KCNJ6: variants seen among roughly 807,000 people sequenced by gnomAD.
KCNJ6 encodes G protein-activated inward rectifier potassium channel 2.
In KCNJ6, 9 loss-of-function variants were observed where a neutral mutation model predicts 34.2. The ratio of observed to expected loss-of-function variants is 0.26; its 90% CI spans 0.16 to 0.46. The LOEUF (loss-of-function observed/expected upper bound fraction) is 0.46, where lower values mean the gene tolerates loss of function less well. KCNJ6 is among the 20% of genes least tolerant of loss of function. KCNJ6 has a pLI of 1.00. For missense variants in KCNJ6, 236 were observed against 531.3 expected (o/e 0.44, Z 5.46); for synonymous variants, 196 against 207.1 (o/e 0.95, Z 0.46).
chr21:37,858,227 T>C (rs989376264), intron 1 of KCNJ6, among the ~76,000 whole-genome samples: 5 of 151,332 alleles, frequency 3.3e-5, no homozygotes, highest in Non-Finnish European at 7.4e-5. Flanking sequence ...CCATCTCTAC[T>C]AAAAATACAA....
chr21:37,878,456 C>T (rs548917561), intron 1 of KCNJ6, among the ~76,000 whole-genome samples: 2 of 152,350 alleles, frequency 1.3e-5, no homozygotes, highest in African/African-American at 4.8e-5. Context: ...CTCAGCACAG[C>T]AACTGCTTTC....
intron 1 of KCNJ6, among the ~76,000 whole-genome samples, chr21:37,899,804 G>A (rs923334641): frequency 2.0e-5 from 3 of 152,184 alleles, no homozygotes; most frequent in Admixed American, 6.5e-5. Context: ...CTTCCTGGGC[G>A]CTTGTGAGAA....
At chr21:37,667,942 T>A (rs1403291619) in intron 3 of KCNJ6, among the ~76,000 whole-genome samples, 1 of 151,940 alleles carries the variant, frequency 6.6e-6, no homozygotes, top group Non-Finnish European at 1.5e-5. Context: ...CCAGGAGGCA[T>A]GCCAGAGCTC....
chr21:37,858,392 CAAAAAA>C (rs60814205), intron 1 of KCNJ6, among the ~76,000 whole-genome samples: 5 of 54,500 alleles, frequency 9.2e-5, no homozygotes, highest in South Asian at 1.2e-3. Flanking sequence ...GACTCCGTCT[CAAAAAA>C]AAAAAAAAAA....
chr21:37,742,192 A>G (rs1215667943), intron 2 of KCNJ6, among the ~76,000 whole-genome samples: 1 of 152,208 alleles, frequency 6.6e-6, no homozygotes, highest in Non-Finnish European at 1.5e-5. Flanking sequence ...TTTGGTTATT[A>G]ACCAAGTCCT....
intron 3 of KCNJ6, among the ~76,000 whole-genome samples, chr21:37,633,765 G>A (rs2054344355): frequency 6.6e-6 from 1 of 151,980 alleles, no homozygotes; most frequent in Non-Finnish European, 1.5e-5. Flanking sequence ...AAACCTTTAT[G>A]ACAATTTACA....
intron 2 of KCNJ6, among the ~76,000 whole-genome samples, chr21:37,792,767 C>T (rs2055222745): frequency 1.3e-5 from 2 of 152,148 alleles, no homozygotes; most frequent in African/African-American, 2.4e-5. Context: ...AATCAAGGGG[C>T]GTTTTCCAGT....
At chr21:37,831,540 CAG>C (rs1205599666) in intron 2 of KCNJ6, among the ~76,000 whole-genome samples, 3 of 141,782 alleles carry the variant, frequency 2.1e-5, no homozygotes, top group African/African-American at 8.9e-5. Flanking sequence ...CATGAGCAGA[CAG>C]GGGTGGTGAA....
Position 37,624,157 on chromosome 21 carries a change from C to T in KCNJ6, c.*1002G>A, listed in dbSNP as rs1454959370. The T allele has an allele frequency of 6.6e-6, 1 of 152,160 alleles. No homozygotes were observed. Among genetic ancestry groups the T allele is most frequent in the Non-Finnish European group, 1.5e-5 (1 of 68,032 alleles). 9.4% of individuals were successfully genotyped at this position (152,160 alleles called of 1,614,324 possible). A position where few individuals can be genotyped will look rare whatever the true frequency, so the allele number is the denominator to read the frequency against. On this transcript the variant is annotated 3_prime_UTR_variant, in exon 4 of 4. Transcript: ENST00000609713. ...GAATATTTCCTTCCTGGTATTCCCC[C>T]TCCTCCAGGCCAGTTAGTGAGGCCC...
At chr21:37,840,600 C>T (rs373237689) in intron 2 of KCNJ6, 58 bp downstream of exon 2, 159 of 1,205,782 alleles carry the variant, frequency 1.3e-4, no homozygotes, top group South Asian at 6.5e-4. Flanking sequence ...CTTTTTTGTG[C>T]GATTTTGCAT....
At chr21:37,887,834 T>G (rs1364277575) in intron 1 of KCNJ6, among the ~76,000 whole-genome samples, 3 of 152,138 alleles carry the variant, frequency 2.0e-5, no homozygotes, top group African/African-American at 7.2e-5. Context: ...GAATATAGCT[T>G]CTCTTTTTCC....
chr21:37,782,585 G>T (rs1451509650), intron 2 of KCNJ6, among the ~76,000 whole-genome samples: 1 of 152,062 alleles, frequency 6.6e-6, no homozygotes, highest in Admixed American at 6.6e-5. Flanking sequence ...CTCCACCCAG[G>T]GGACCCTAAT....
At chr21:37,902,118 T>C (rs1185561102) in intron 1 of KCNJ6, among the ~76,000 whole-genome samples, 1 of 152,240 alleles carries the variant, frequency 6.6e-6, no homozygotes, top group East Asian at 1.9e-4. Flanking sequence ...CCCAAGGGCA[T>C]GAGGACTTAG....
At chr21:37,901,775 C>T (rs1359735965) in intron 1 of KCNJ6, among the ~76,000 whole-genome samples, 1 of 152,196 alleles carries the variant, frequency 6.6e-6, no homozygotes, top group Admixed American at 6.5e-5. Context: ...TAGTCTTAAA[C>T]TCATTTATTT....
At chr21:37,671,450 C>T (rs2054541941) in intron 3 of KCNJ6, among the ~76,000 whole-genome samples, 2 of 152,244 alleles carry the variant, frequency 1.3e-5, no homozygotes. Context: ...TCTGGCTGCT[C>T]ATCTGTACCC....
chr21:37,732,522 G>A (rs1237255436), intron 2 of KCNJ6, among the ~76,000 whole-genome samples: 1 of 152,210 alleles, frequency 6.6e-6, no homozygotes, highest in Non-Finnish European at 1.5e-5. Flanking sequence ...GTGAGGAACG[G>A]GGAAGCTATT....
intron 1 of KCNJ6, among the ~76,000 whole-genome samples, chr21:37,896,177 G>C (rs952973540): frequency 6.6e-6 from 1 of 152,152 alleles, no homozygotes; most frequent in Non-Finnish European, 1.5e-5. Flanking sequence ...TAAACAACCC[G>C]ATCTCGTAAG....
At chr21:37,730,231 A>T (rs1389422051) in intron 2 of KCNJ6, among the ~76,000 whole-genome samples, 3 of 152,230 alleles carry the variant, frequency 2.0e-5, no homozygotes, top group African/African-American at 7.2e-5. Flanking sequence ...AAGTCTTCAT[A>T]TGCAAAATAG....
At chr21:37,673,436 C>A (rs1006687179) in intron 3 of KCNJ6, among the ~76,000 whole-genome samples, 1 of 152,276 alleles carries the variant, frequency 6.6e-6, no homozygotes, top group African/African-American at 2.4e-5. Context: ...GCTCATCCAT[C>A]CTCCTTCCTG....
Sources: allele counts gnomAD v4.1 joint callset (sites outside exome capture counted in the v4.1 genomes callset), GRCh38; gene constraint gnomAD v4.1.1; transcripts MANE v1.5; gene names NCBI Gene and HGNC (gene_info 2026-07-23, HGNC 2026-07-21).